COL14A1: variants seen among roughly 807,000 people sequenced by gnomAD.
COL14A1 encodes collagen alpha-1(XIV) chain.
Under a neutral mutation model 230.3 loss-of-function variants are expected in COL14A1, and 136 were observed. The observed-to-expected ratio is 0.59, with a 90% confidence interval of 0.51 to 0.68. COL14A1 has a LOEUF of 0.68. Ranked by LOEUF, COL14A1 falls within the 30% of genes least tolerant of loss-of-function variation. The pLI is 0.00. For synonymous variants in COL14A1, 792 were observed against 784.1 expected (o/e 1.01, Z -0.17); for missense variants, 1,976 against 2,215.8 (o/e 0.89, Z 2.17).
At chr8:120,228,263 A>C (rs531478589) in intron 17 of COL14A1, among the ~76,000 whole-genome samples, 2 of 152,296 alleles carry the variant, frequency 1.3e-5, no homozygotes, top group African/African-American at 4.8e-5. Context: ...TCTGTACTTC[A>C]TTCTGCTATA....
intron 1 of COL14A1, among the ~76,000 whole-genome samples, chr8:120,133,162 G>T (rs1477708020): frequency 1.3e-5 from 2 of 150,944 alleles, no homozygotes; most frequent in African/African-American, 4.9e-5. Flanking sequence ...CTTGCAGTGA[G>T]TTGAGATCGC....
chr8:120,250,670 A>G lies in COL14A1; in HGVS notation c.2656A>G (p.Ile886Val). 1.9e-6 allele frequency: 3 copies of G among 1,614,224 alleles called. No individual in the cohort carries two copies. The African/African-American group carries it at 4.0e-5, about 22-fold the overall frequency. The change falls in exon 22 of 48, where the codon ATC becomes GTC. Residue 886 changes from isoleucine to valine, a missense_variant. Transcript: ENST00000297848. Reference sequence around the variant, plus strand: ...GGGAGCTGACATTAACACCATCCTTATCACAAACCTCCTCAGCGGAATGGA... The same window carrying G: ...GGGAGCTGACATTAACACCATCCTTGTCACAAACCTCCTCAGCGGAATGGA... ...FVGADINTIL[I>V]TNLLSGMDYN...
chr8:120,165,649 ACAT>A lies in COL14A1; in HGVS notation c.350-2511_350-2509del, dbSNP rs546221313. On this transcript the variant is annotated intron_variant, in intron 4 of 47. Transcript: ENST00000297848. ...GGAAGACATATATATCTTATATGTG[ACAT>A]AGTGGATCAGCTTCCATAATGTCTG... 4.6e-3 allele frequency among the ~76,000 whole-genome samples: 705 copies of A among 151,968 alleles called. 1 individual carries two copies. The highest frequency in any genetic ancestry group is 8.0e-3 in the Admixed American group (123 of 15,288).
At chr8:120,228,634 C>A (rs1818165859) in intron 17 of COL14A1, 76 bp from the exon 18 acceptor site, 1 of 1,124,596 alleles carries the variant, frequency 8.9e-7, no homozygotes, top group Admixed American at 1.7e-5. Flanking sequence ...GTGAAATGTT[C>A]TTTGAAAGCT....
intron 44 of COL14A1, among the ~76,000 whole-genome samples, chr8:120,344,497 T>C (rs1004902383): frequency 1.8e-4 from 27 of 152,208 alleles, no homozygotes; most frequent in African/African-American, 6.5e-4. Flanking sequence ...TGAGGAAATG[T>C]CTCACCTGCC....
intron 42 of COL14A1, among the ~76,000 whole-genome samples, chr8:120,333,591 A>C (rs757483497): frequency 4.6e-5 from 7 of 152,268 alleles, no homozygotes; most frequent in Non-Finnish European, 7.3e-5. Context: ...CTAGTGAATT[A>C]GATTCCTGTT....
chr8:120,289,024 C>T (rs1410239568), intron 33 of COL14A1, among the ~76,000 whole-genome samples: 2 of 152,100 alleles, frequency 1.3e-5, no homozygotes, highest in East Asian at 1.9e-4. Context: ...GAAAATATCA[C>T]GGACCTCCAG....
At chr8:120,209,607 C>A in intron 11 of COL14A1, 149 bp from the exon 12 acceptor site, 1 of 709,466 alleles carries the variant, frequency 1.4e-6, no homozygotes, top group Non-Finnish European at 2.2e-6. Context: ...TGTTTTTCAT[C>A]AGCATTGTTT....
chr8:120,199,309 C>T, intron 7 of COL14A1, 93 bp from the exon 8 acceptor site: 1 of 1,174,768 alleles, frequency 8.5e-7, no homozygotes. Flanking sequence ...GTCTATGGCT[C>T]AATAGGTTAC....
At chr8:120,218,712 G>A (rs1817840777) in intron 14 of COL14A1, among the ~76,000 whole-genome samples, 4 of 152,240 alleles carry the variant, frequency 2.6e-5, no homozygotes, top group Admixed American at 2.0e-4. Context: ...AAGTGACAAC[G>A]GACAGTGAGT....
In COL14A1 at chr8:120,370,844, A is replaced by T. The variant is rs11991928; in HGVS notation, c.5312-308A>T. The T allele has an allele frequency of 5.7e-3, 7,672 of 1,341,756 alleles. 296 individuals carry two copies. In the African/African-American group the frequency reaches 0.086, roughly 15 times the overall value. 83.1% of individuals were successfully genotyped at this position (1,341,756 alleles called of 1,614,324 possible). A position where few individuals can be genotyped will look rare whatever the true frequency, so the allele number is the denominator to read the frequency against. On this transcript the variant is annotated intron_variant, in intron 47 of 47. Transcript: ENST00000297848. ...TGGACTTCTAACATGAGATTTTTTAAAAAAATTTCTATTTCTTTTATAATT... is the reference window on the plus strand; with the variant it reads ...TGGACTTCTAACATGAGATTTTTTATAAAAATTTCTATTTCTTTTATAATT...
intron 2 of COL14A1, 140 bp downstream of exon 2, chr8:120,148,070 A>G (rs112638919): frequency 4.9e-6 from 3 of 612,554 alleles, no homozygotes; most frequent in African/African-American, 1.9e-5. Context: ...AAATATACAC[A>G]TCTTTGATGA....
chr8:120,171,988 T>C (rs1044590573), intron 5 of COL14A1, among the ~76,000 whole-genome samples: 8 of 152,156 alleles, frequency 5.3e-5, no homozygotes, highest in Non-Finnish European at 1.0e-4. Flanking sequence ...AATCTTTTAG[T>C]CCTAGAAATT....
intron 22 of COL14A1, among the ~76,000 whole-genome samples, chr8:120,253,014 A>G (rs17827510): frequency 0.4 from 61,190 of 151,976 alleles, 12,544 homozygotes; most frequent in Middle Eastern, 0.49. Context: ...TGGGGTTCTG[A>G]TCTTGTGCTT....
intron 21 of COL14A1, among the ~76,000 whole-genome samples, chr8:120,249,009 TCCGCCTCC>T (rs1363584855): frequency 1.6e-5 from 2 of 126,042 alleles, no homozygotes; most frequent in Admixed American, 9.6e-5. Context: ...CACTGCAAGC[TCCGCCTCC>T]CGGGTTCACG....
chr8:120,255,956 A>C (rs1477167329), intron 23 of COL14A1, among the ~76,000 whole-genome samples: 6 of 152,140 alleles, frequency 3.9e-5, no homozygotes, highest in African/African-American at 1.4e-4. Flanking sequence ...CTTCATTAAA[A>C]ATATCGAGAA....
At chr8:120,173,294 C>T (rs1816153506) in intron 5 of COL14A1, among the ~76,000 whole-genome samples, 1 of 152,074 alleles carries the variant, frequency 6.6e-6, no homozygotes, top group African/African-American at 2.4e-5. Context: ...CTATTTCATG[C>T]TGTCTCTTAT....
At chr8:120,229,427 C>T (rs886579953) in intron 18 of COL14A1, among the ~76,000 whole-genome samples, 4 of 151,992 alleles carry the variant, frequency 2.6e-5, no homozygotes, top group African/African-American at 9.7e-5. Context: ...CATGTCCCTA[C>T]AAAGGACATG....
At chr8:120,164,774 G>T (rs1468828043) in intron 4 of COL14A1, among the ~76,000 whole-genome samples, 1 of 152,132 alleles carries the variant, frequency 6.6e-6, no homozygotes, top group African/African-American at 2.4e-5. Context: ...TTAGTTTCTG[G>T]CCTCCAACAT....
Sources: gnomAD v4.1 joint callset for allele counts (sites outside exome capture counted in the v4.1 genomes callset) on GRCh38, gnomAD v4.1.1 for gene constraint, MANE v1.5 for transcripts, NCBI Gene and HGNC (gene_info 2026-07-23, HGNC 2026-07-21) for gene names.